The following MORN2 variants were observed in gnomAD, a reference collection of about 807,000 sequenced individuals.
MORN2 encodes the protein MORN repeat-containing protein 2.
Under a neutral mutation model 13.4 loss-of-function variants are expected in MORN2, and 15 were observed. The ratio of observed to expected loss-of-function variants is 1.12; its 90% CI spans 0.75 to 1.72. MORN2 has a LOEUF of 1.72. MORN2 is among the 40% of genes most tolerant of loss of function. The pLI is 0.00. For missense variants in MORN2, 168 were observed against 134.6 expected, an observed-to-expected ratio of 1.25 and a Z score of -1.23; for synonymous variants, 46 against 43.6, an observed-to-expected ratio of 1.06 and a Z score of -0.22.
chr2:38,881,247 A>G (rs1201111926), intron 3 of MORN2, among the ~76,000 whole-genome samples, 195 bp from the exon 4 acceptor site: 3 of 152,158 alleles, frequency 2.0e-5, no homozygotes, highest in Non-Finnish European at 4.4e-5. Context: ...AGAACATTTA[A>G]TTTACTGGGC....
At chr2:38,881,647 CTTAT>C (rs200931040) in intron 4 of MORN2, 69 bp downstream of exon 4, 498 of 1,169,568 alleles carry the variant, frequency 4.3e-4, no homozygotes, top group Middle Eastern at 5.9e-4. Context: ...TGCTTAAATA[CTTAT>C]TTATTTATTT....
At chr2:38,881,187 C>T (rs1031789946) in intron 3 of MORN2, among the ~76,000 whole-genome samples, 26 of 152,188 alleles carry the variant, frequency 1.7e-4, no homozygotes, top group African/African-American at 5.8e-4. Context: ...TCTTGAGGAC[C>T]CCTATTTATC....
intron 4 of MORN2, 69 bp downstream of exon 4, chr2:38,881,647 CTTATTTAT>C (rs200931040): frequency 1.4e-5 from 17 of 1,176,786 alleles, no homozygotes; most frequent in Non-Finnish European, 1.6e-5. Flanking sequence ...TGCTTAAATA[CTTATTTAT>C]TTATTTATTT....
intron 1 of MORN2, among the ~76,000 whole-genome samples, chr2:38,877,970 A>T (rs1208662208): frequency 1.3e-5 from 2 of 150,916 alleles, no homozygotes; most frequent in African/African-American, 2.4e-5. Flanking sequence ...TAATTCTTGT[A>T]TTTTTTGTGG....
chr2:38,880,374 C>G (rs1665747533), intron 2 of MORN2, 145 bp downstream of exon 2: 1 of 399,682 alleles, frequency 2.5e-6, no homozygotes, highest in African/African-American at 2.1e-5. Flanking sequence ...AGATAAAGAG[C>G]TTTTAAAATC....
chr2:38,878,719 G>A (rs1391808843), intron 1 of MORN2, among the ~76,000 whole-genome samples: 4 of 151,094 alleles, frequency 2.6e-5, no homozygotes, highest in Non-Finnish European at 4.4e-5. Context: ...TTTGTTTTTT[G>A]TAATCACCTG....
chr2:38,879,509 C>T (rs1037829933), intron 1 of MORN2, among the ~76,000 whole-genome samples: 2 of 152,034 alleles, frequency 1.3e-5, no homozygotes, highest in Non-Finnish European at 2.9e-5. Flanking sequence ...GCCTTGGAAA[C>T]ATTAAGTGAA....
intron 2 of MORN2, 73 bp from the exon 3 acceptor site, chr2:38,880,527 T>C (rs1228919697): frequency 2.2e-6 from 2 of 902,910 alleles, no homozygotes; most frequent in Non-Finnish European, 3.1e-6. Flanking sequence ...AAGAAACCCA[T>C]GAGGTGTAGT....
At chr2:38,880,035 T>G (rs1269526359) in intron 1 of MORN2, 144 bp from the exon 2 acceptor site, 1 of 376,366 alleles carries the variant, frequency 2.7e-6, no homozygotes, top group Non-Finnish European at 4.7e-6. Context: ...GGCTCACATT[T>G]GCATCCCCAG....
At position 38,878,169 on chromosome 2, in the gene MORN2, A is replaced by T. The variant is rs545779336; in HGVS notation, c.59-2010A>T. 2.3e-3 allele frequency among the ~76,000 whole-genome samples: 344 copies of T among 152,290 alleles called. 3 individuals carry two copies. The highest frequency in any genetic ancestry group is 8.1e-3 in the African/African-American group (335 of 41,554). ...GATGTAGAATATTAGGTTGAAAATA[A>T]TTTTGTCTCGGAATTTTAAAGACAT... is the stretch of plus-strand genomic sequence containing the variant. On this transcript the variant is annotated intron_variant, in intron 1 of 4. Transcript: ENST00000644631.
At chr2:38,877,202 G>T (rs1287337821) in intron 1 of MORN2, among the ~76,000 whole-genome samples, 1 of 152,184 alleles carries the variant, frequency 6.6e-6, no homozygotes, top group Non-Finnish European at 1.5e-5. Context: ...GGAGGCGGAG[G>T]TTGCAGTGAG....
At position 38,880,634 on chromosome 2, in the gene MORN2, C is replaced by A; in HGVS notation, c.144C>A (p.Tyr48Ter). Residue 48 changes from tyrosine to a stop codon, truncating the protein, a stop_gained, in exon 3 of 5, where the codon TAC becomes TAA. Transcript: ENST00000644631. LOFTEE classifies it high-confidence loss of function. ...GTACAAGAACATCTTCTGGAATCTA[C>A]GAGAGAAATGGAATAGGTATTCATA... 6.5e-7 allele frequency: 1 copy of A among 1,542,374 alleles called. No homozygotes were observed. Among genetic ancestry groups the A allele is most frequent in the Non-Finnish European group, 8.7e-7 (1 of 1,143,574 alleles).
rs3213986 is a variant in MORN2 at position 38,880,700 on chromosome 2, T to A, written c.210T>A (p.Asp70Glu). Residue 70 changes from aspartate to glutamate, a missense_variant, in exon 3 of 5, where the codon GAT becomes GAA. Physicochemically the swap from Asp to Glu is conservative, Grantham distance 45 (BLOSUM62 2). Coordinates refer to ENST00000644631, the MANE Select transcript of MORN2 (RefSeq NM_001145450.3). ...TTGTCTACACAGGAAGCTGGAAAGA[T>A]GACAAGGTATTATTGTTGTTTTTAA... is the stretch of plus-strand genomic sequence containing the variant. 2.2e-5 allele frequency: 34 copies of A among 1,549,920 alleles called. No individual in the cohort carries two copies. The South Asian group carries it at 3.8e-4, about 17-fold the overall frequency.
chr2:38,878,541 T>C (rs1665705167), intron 1 of MORN2, among the ~76,000 whole-genome samples: 1 of 152,180 alleles, frequency 6.6e-6, no homozygotes, highest in African/African-American at 2.4e-5. Flanking sequence ...AAAAAATTTT[T>C]TTTCCAGCCA....
chr2:38,881,503 A>G lies in MORN2; in HGVS notation c.278A>G (p.Asp93Gly). ...GCAGTATATGAAGGACAATTTAAGG[A>G]TAATATGTTTCATGGACTGGGGACT... Residue 93 changes from aspartate to glycine, a missense_variant, in exon 4 of 5, where the codon GAT (aspartate) becomes GGT (glycine). Transcript: ENST00000644631. The G allele has an allele frequency of 1.3e-6, 2 of 1,545,686 alleles. No individual in the cohort carries two copies. The highest frequency in any genetic ancestry group is 1.7e-6 in the Non-Finnish European group (2 of 1,144,812).
chr2:38,879,505 G>A (rs1004562182), intron 1 of MORN2, among the ~76,000 whole-genome samples: 6 of 152,072 alleles, frequency 3.9e-5, no homozygotes, highest in Non-Finnish European at 8.8e-5. Context: ...ATGAGCCTTG[G>A]AAACATTAAG....
chr2:38,880,635 G>C lies in MORN2; in HGVS notation c.145G>C (p.Glu49Gln). Residue 49 changes from glutamate to glutamine, a missense_variant, in exon 3 of 5, where the codon GAG (glutamate) becomes CAG (glutamine). Transcript: ENST00000644631. ...TACAAGAACATCTTCTGGAATCTACGAGAGAAATGGAATAGGTATTCATAC... is the reference window on the plus strand; with the variant it reads ...TACAAGAACATCTTCTGGAATCTACCAGAGAAATGGAATAGGTATTCATAC... The C allele has an allele frequency of 6.5e-7, 1 of 1,543,478 alleles. No homozygotes were observed. Among genetic ancestry groups the C allele is most frequent in the Non-Finnish European group, 8.7e-7 (1 of 1,144,206 alleles).
chr2:38,882,036 G>A (rs1350884024), intron 4 of MORN2, among the ~76,000 whole-genome samples: 1 of 152,218 alleles, frequency 6.6e-6, no homozygotes, highest in Admixed American at 6.5e-5. Context: ...CGGTGGCACA[G>A]CACCTCAAAC....
intron 1 of MORN2, 39 bp downstream of exon 1, chr2:38,876,149 G>C: frequency 2.5e-6 from 1 of 398,748 alleles, no homozygotes; most frequent in East Asian, 3.6e-5. Flanking sequence ...GCAGAGAAGA[G>C]CTCCTTTAAG....
Sources: allele counts gnomAD v4.1 joint callset (sites outside exome capture counted in the v4.1 genomes callset), GRCh38; gene constraint gnomAD v4.1.1; transcripts MANE v1.5; gene names NCBI Gene and HGNC (gene_info 2026-07-23, HGNC 2026-07-21).